Variants in CDH13 observed in about 807,000 individuals in gnomAD.
The protein encoded by CDH13 is cadherin-13.
Under a neutral mutation model 63.8 loss-of-function variants are expected in CDH13, and 24 were observed. The ratio of observed to expected loss-of-function variants is 0.38; its 90% CI spans 0.27 to 0.53. CDH13 has a LOEUF of 0.53. Among genes scored for constraint, CDH13 ranks in the 20% least tolerant of loss-of-function variants. The pLI is 0.85. For synonymous variants in CDH13, 503 were observed against 355.3 expected (o/e 1.42, Z -4.67); for missense variants, 1,049 against 903.1 (o/e 1.16, Z -2.07).
intron 3 of CDH13, among the ~76,000 whole-genome samples, chr16:83,096,601 A>C (rs112088806): frequency 6.6e-6 from 1 of 152,182 alleles, no homozygotes; most frequent in African/African-American, 2.4e-5. Flanking sequence ...ACGCAAATTT[A>C]AATTCTTAAT....
chr16:83,061,713 T>C (rs979895444), intron 3 of CDH13, among the ~76,000 whole-genome samples: 1 of 152,108 alleles, frequency 6.6e-6, no homozygotes, highest in African/African-American at 2.4e-5. Flanking sequence ...AGCTAAAAAG[T>C]ATAGTGATAA....
chr16:83,322,517 C>G (rs147639718), intron 5 of CDH13, among the ~76,000 whole-genome samples: 1 of 152,250 alleles, frequency 6.6e-6, no homozygotes, highest in African/African-American at 2.4e-5. Flanking sequence ...ACACTAGACA[C>G]TGGGGAGACA....
intron 2 of CDH13, among the ~76,000 whole-genome samples, chr16:82,912,362 T>A (rs1444730347): frequency 6.6e-6 from 1 of 152,152 alleles, no homozygotes; most frequent in African/African-American, 2.4e-5. Context: ...CCTTTATGGG[T>A]CTCCACAATA....
intron 1 of CDH13, among the ~76,000 whole-genome samples, chr16:82,850,007 T>C (rs1477150741): frequency 6.6e-6 from 1 of 152,208 alleles, no homozygotes; most frequent in Non-Finnish European, 1.5e-5. Flanking sequence ...TATAAGGAGA[T>C]TAGTGTTGTT....
At chr16:83,684,264 G>C (rs548548474) in intron 10 of CDH13, among the ~76,000 whole-genome samples, 1 of 152,218 alleles carries the variant, frequency 6.6e-6, no homozygotes, top group African/African-American at 2.4e-5. Flanking sequence ...GTACTTGGGA[G>C]GCTGAGGCAG....
intron 4 of CDH13, among the ~76,000 whole-genome samples, chr16:83,157,220 C>T (rs867520621): frequency 4.6e-5 from 7 of 152,166 alleles, no homozygotes; most frequent in African/African-American, 1.4e-4. Flanking sequence ...ATCTGATTAA[C>T]GGTATTGTGA....
At chr16:83,698,992 A>G (rs549174399) in intron 10 of CDH13, among the ~76,000 whole-genome samples, 78 of 152,282 alleles carry the variant, frequency 5.1e-4, no homozygotes, top group African/African-American at 1.7e-3. Context: ...TACCAGCATT[A>G]TGGTATCTTC....
At chr16:83,225,562 T>C (rs750145) in intron 5 of CDH13, among the ~76,000 whole-genome samples, 120,849 of 152,138 alleles carry the variant, frequency 0.79, 48,693 homozygotes, top group East Asian at 0.96. Flanking sequence ...ATGTAATTCC[T>C]GATAGGGGAA....
At chr16:83,328,287 G>T (rs2090411126) in intron 5 of CDH13, among the ~76,000 whole-genome samples, 1 of 152,166 alleles carries the variant, frequency 6.6e-6, no homozygotes, top group Non-Finnish European at 1.5e-5. Context: ...GAATTTATGA[G>T]TGAGATTAAA....
intron 8 of CDH13, among the ~76,000 whole-genome samples, chr16:83,649,711 T>C (rs1163682028): frequency 1.3e-5 from 2 of 151,980 alleles, no homozygotes; most frequent in Non-Finnish European, 2.9e-5. Flanking sequence ...GTTTCCAGGT[T>C]GGGGATGCTG....
intron 4 of CDH13, among the ~76,000 whole-genome samples, chr16:83,172,230 C>A (rs778463117): frequency 6.6e-6 from 1 of 152,114 alleles, no homozygotes; most frequent in South Asian, 2.1e-4. Context: ...GTGGCTCATG[C>A]CTGTAATCCC....
At chr16:83,006,069 A>C (rs1235180792) in intron 2 of CDH13, among the ~76,000 whole-genome samples, 1 of 152,234 alleles carries the variant, frequency 6.6e-6, no homozygotes, top group African/African-American at 2.4e-5. Context: ...TAAGGTTGGT[A>C]GCTTAAGATA....
At chr16:83,265,753 T>TTTTTTTTC (rs369864549) in intron 5 of CDH13, among the ~76,000 whole-genome samples, 1 of 132,548 alleles carries the variant, frequency 7.5e-6, no homozygotes, top group Non-Finnish European at 1.7e-5. Flanking sequence ...TTTTTTTTTT[T>TTTTTTTTC]GGTCTGTGTC....
chr16:83,099,036 G>A (rs1567827554), intron 3 of CDH13, among the ~76,000 whole-genome samples: 4 of 151,920 alleles, frequency 2.6e-5, no homozygotes, highest in African/African-American at 9.7e-5. Flanking sequence ...ATGTGTGTGG[G>A]TGTGTATGTA....
chr16:83,648,370 G>A (rs1308267327), intron 8 of CDH13, among the ~76,000 whole-genome samples: 2 of 152,174 alleles, frequency 1.3e-5, no homozygotes, highest in East Asian at 3.9e-4. Context: ...TTTGTGTGAT[G>A]CAGTGATTTT....
At chr16:83,508,114 G>T (rs2074457343) in intron 7 of CDH13, among the ~76,000 whole-genome samples, 1 of 66,330 alleles carries the variant, frequency 1.5e-5, no homozygotes, top group Admixed American at 1.6e-4. Flanking sequence ...GAAGGAAAAG[G>T]AAGGAAGGGA....
At chr16:82,770,215 T>C (rs2035210198) in intron 1 of CDH13, among the ~76,000 whole-genome samples, 1 of 152,260 alleles carries the variant, frequency 6.6e-6, no homozygotes, top group Non-Finnish European at 1.5e-5. Flanking sequence ...GTTCGAATAG[T>C]AATGTTTTCC....
intron 1 of CDH13, among the ~76,000 whole-genome samples, chr16:82,793,423 C>A (rs17192863): frequency 6.6e-6 from 1 of 151,410 alleles, no homozygotes; most frequent in South Asian, 2.1e-4. Flanking sequence ...AATGAAAAAG[C>A]ATTTAATTGA....
At chr16:82,909,159 ATTG>A (rs2041744877) in intron 2 of CDH13, among the ~76,000 whole-genome samples, 1 of 151,978 alleles carries the variant, frequency 6.6e-6, no homozygotes, top group South Asian at 2.1e-4. Context: ...TTATAGTTGC[ATTG>A]TTATTTTTAT....
Sources: gnomAD v4.1 joint callset for allele counts (sites outside exome capture counted in the v4.1 genomes callset) on GRCh38, gnomAD v4.1.1 for gene constraint, MANE v1.5 for transcripts, NCBI Gene and HGNC (gene_info 2026-07-23, HGNC 2026-07-21) for gene names.